Variants in GART observed in about 807,000 individuals in gnomAD.
GART encodes the protein phosphoribosylglycinamide formyltransferase, phosphoribosylglycinamide synthetase, phosphoribosylaminoimidazole synthetase.
Under a neutral mutation model 107.2 loss-of-function variants are expected in GART, and 43 were observed. The ratio of observed to expected loss-of-function variants is 0.40; its 90% CI spans 0.31 to 0.52. The LOEUF (loss-of-function observed/expected upper bound fraction) is 0.52, where lower values mean the gene tolerates loss of function less well. Ranked by LOEUF, GART falls within the 20% of genes least tolerant of loss-of-function variation. The pLI is 0.52. For missense variants in GART, 1,107 were observed against 1,206.5 expected, an observed-to-expected ratio of 0.92 and a Z score of 1.22; for synonymous variants, 434 against 427.0, an observed-to-expected ratio of 1.02 and a Z score of -0.20.
intron 1 of GART, among the ~76,000 whole-genome samples, chr21:33,539,965 C>T (rs536240913): frequency 4.6e-5 from 7 of 152,054 alleles, no homozygotes; most frequent in Non-Finnish European, 2.9e-5. Flanking sequence ...AATCATCATG[C>T]CTTAGTTATG....
intron 5 of GART, chr21:33,532,082 T>C (rs140163747): frequency 4.8e-6 from 2 of 416,456 alleles, no homozygotes; most frequent in East Asian, 4.8e-5. Context: ...TTATATGTTC[T>C]AGAGTCTGAG....
intron 1 of GART, among the ~76,000 whole-genome samples, chr21:33,541,699 G>A (rs1480465588): frequency 6.6e-6 from 1 of 152,018 alleles, no homozygotes; most frequent in Non-Finnish European, 1.5e-5. Flanking sequence ...AATAAGACAG[G>A]CAAATAAAGC....
intron 16 of GART, among the ~76,000 whole-genome samples, chr21:33,516,662 G>T (rs933404254): frequency 6.6e-6 from 1 of 152,120 alleles, no homozygotes; most frequent in African/African-American, 2.4e-5. Flanking sequence ...CTCGAATATG[G>T]ATTACTTAAT....
At chr21:33,537,057 A>T (rs1266941777) in intron 2 of GART, among the ~76,000 whole-genome samples, 3 of 152,204 alleles carry the variant, frequency 2.0e-5, no homozygotes, top group African/African-American at 7.2e-5. Context: ...ACTGTGGGTT[A>T]GTGGTTCTGA....
intron 19 of GART, 81 bp downstream of exon 19, chr21:33,505,893 G>A: frequency 6.4e-7 from 1 of 1,556,030 alleles, no homozygotes; most frequent in Non-Finnish European, 8.7e-7. Flanking sequence ...AAGAACAAGT[G>A]CCCATAGACC....
intron 7 of GART, 109 bp from the exon 8 acceptor site, chr21:33,529,046 C>CTTTTTA: frequency 1.5e-6 from 1 of 647,044 alleles, no homozygotes; most frequent in Non-Finnish European, 2.7e-6. Context: ...TTTTTTACTA[C>CTTTTTA]CTGAAACATG....
chr21:33,504,622 G>T, intron 20 of GART, 95 bp from the exon 21 acceptor site: 1 of 852,170 alleles, frequency 1.2e-6, no homozygotes, highest in Non-Finnish European at 1.9e-6. Flanking sequence ...AAGTCAAACA[G>T]GAGTTGGATT....
At chr21:33,539,141 C>A in intron 2 of GART, 30 bp downstream of exon 2, 1 of 1,594,242 alleles carries the variant, frequency 6.3e-7, no homozygotes, top group Non-Finnish European at 8.6e-7. Flanking sequence ...CAAATAATAA[C>A]TATTACTCCC....
intron 16 of GART, 102 bp from the exon 17 acceptor site, chr21:33,511,560 C>T: frequency 3.3e-6 from 4 of 1,203,982 alleles, no homozygotes; most frequent in Middle Eastern, 2.7e-4. Context: ...TCAGGCTCTG[C>T]TATTTTATGT....
intron 14 of GART, among the ~76,000 whole-genome samples, chr21:33,518,092 T>C (rs1243728907): frequency 2.0e-5 from 3 of 152,188 alleles, no homozygotes; most frequent in Admixed American, 6.6e-5. Context: ...ATAGGCAGAC[T>C]CCAAATAAGA....
Position 33,504,032 on chromosome 21 carries a change from T to A in GART, c.*92A>T. 1.6e-6 allele frequency: 2 copies of A among 1,223,392 alleles called. No homozygotes were observed. The highest frequency in any genetic ancestry group is 2.3e-6 in the Non-Finnish European group (2 of 888,064). The allele number at this position is 1,223,392 out of a possible 1,614,324, so 75.8% of individuals were successfully genotyped here. A position where few individuals can be genotyped will look rare whatever the true frequency, so the allele number is the denominator to read the frequency against. ...TGAGGTCTTTTTTGTCTTTTAGCAG[T>A]TTTTCTTTTGGGCCAAGTCCATGAT... On this transcript the variant is annotated 3_prime_UTR_variant, in exon 22 of 22. Coordinates refer to ENST00000381815, the MANE Select transcript of GART (RefSeq NM_000819.5).
chr21:33,510,302 G>C (rs2084761894), intron 17 of GART: 2 of 160,536 alleles, frequency 1.2e-5, no homozygotes, highest in African/African-American at 4.8e-5. Context: ...TTAAAGGCTT[G>C]ATATGCGATG....
At chr21:33,517,256 G>A (rs1302261262) in intron 15 of GART, 101 bp downstream of exon 15, 2 of 1,563,554 alleles carry the variant, frequency 1.3e-6, no homozygotes, top group East Asian at 4.5e-5. Context: ...GCAAACCAAG[G>A]TAATTCATTC....
chr21:33,530,675 C>G, intron 7 of GART, 84 bp downstream of exon 7: 1 of 1,271,432 alleles, frequency 7.9e-7, no homozygotes. Context: ...AAACAGAAAA[C>G]AAAACAAAAT....
At chr21:33,516,063 C>A (rs1329897489) in intron 16 of GART, among the ~76,000 whole-genome samples, 2 of 151,688 alleles carry the variant, frequency 1.3e-5, no homozygotes, top group Non-Finnish European at 1.5e-5. Context: ...GCCTGGCCAA[C>A]AAGGTGAAAC....
rs1307138448 is a variant in GART at position 33,528,632 on chromosome 21, AGAG to A, written c.812-31_812-29del. ...TCATTAAAAAAGAAAAAAAAAAAAAAGAGAGAAAGAAAATCTATGATGAAGACA... is the reference window on the plus strand; with the variant it reads ...TCATTAAAAAAGAAAAAAAAAAAAAAAGAAAGAAAATCTATGATGAAGACA... On this transcript the variant is annotated intron_variant, in intron 8 of 21. Coordinates refer to ENST00000381815, the MANE Select transcript of GART (RefSeq NM_000819.5). The A allele has an allele frequency of 9.2e-6, 13 of 1,417,222 alleles. No individual in the cohort carries two copies. The African/African-American group carries it at 1.1e-4, about 12-fold the overall frequency. The allele number at this position is 1,417,222 out of a possible 1,614,324, so 87.8% of individuals were successfully genotyped here. A position where few individuals can be genotyped will look rare whatever the true frequency, so the allele number is the denominator to read the frequency against.
chr21:33,542,843 A>C, upstream of GART: 1 of 567,458 alleles, frequency 1.8e-6, no homozygotes, highest in Non-Finnish European at 3.2e-6. Flanking sequence ...CCTGCGTCAG[A>C]CACTAACATG....
chr21:33,523,450 A>T (rs938634417), intron 11 of GART, among the ~76,000 whole-genome samples: 1 of 152,188 alleles, frequency 6.6e-6, no homozygotes, highest in Admixed American at 6.5e-5. Flanking sequence ...CAGTCCCTTG[A>T]AATAGGTCAT....
At chr21:33,522,321 G>A in intron 11 of GART, 39 bp from the exon 12 acceptor site, 1 of 1,331,446 alleles carries the variant, frequency 7.5e-7, no homozygotes, top group Non-Finnish European at 1.1e-6. Context: ...AAACGTCAGG[G>A]AAAATTATTT....
Sources: gnomAD v4.1 joint callset for allele counts (sites outside exome capture counted in the v4.1 genomes callset) on GRCh38, gnomAD v4.1.1 for gene constraint, MANE v1.5 for transcripts, NCBI Gene and HGNC (gene_info 2026-07-23, HGNC 2026-07-21) for gene names.